Variants in SHROOM4 observed in about 807,000 individuals in gnomAD.
SHROOM4 encodes the protein shroom family member 4.
Under a neutral mutation model 80.3 loss-of-function variants are expected in SHROOM4, and 17 were observed. The ratio of observed to expected loss-of-function variants is 0.21; its 90% CI spans 0.14 to 0.32. SHROOM4 has a LOEUF of 0.32. Among genes scored for constraint, SHROOM4 ranks in the 10% least tolerant of loss-of-function variants. The pLI, the probability that SHROOM4 is intolerant of heterozygous loss-of-function variation, is 1.00. For missense variants in SHROOM4, 993 were observed against 1,140.3 expected, an observed-to-expected ratio of 0.87 and a Z score of 1.86; for synonymous variants, 400 against 437.5, an observed-to-expected ratio of 0.91 and a Z score of 1.07.
intron 1 of SHROOM4, among the ~76,000 whole-genome samples, chrX:50,739,109 G>T (rs1306427404): frequency 1.8e-5 from 2 of 111,449 alleles, no homozygotes; most frequent in African/African-American, 6.5e-5. Context: ...AAATGGTGCT[G>T]GGAAAACTGG....
chrX:50,767,999 C>T (rs1385120378), intron 1 of SHROOM4, among the ~76,000 whole-genome samples: 2 of 112,124 alleles, frequency 1.8e-5, no homozygotes, highest in African/African-American at 6.5e-5. Context: ...TGGTTCATTA[C>T]AGCTTATTAC....
chrX:50,759,856 T>C (rs1935113451), intron 1 of SHROOM4, among the ~76,000 whole-genome samples: 1 of 111,966 alleles, frequency 8.9e-6, no homozygotes, highest in Admixed American at 9.5e-5. Context: ...TCCCACATAT[T>C]TGTGAATTTC....
At chrX:50,802,558 T>C (rs891879740) in intron 1 of SHROOM4, among the ~76,000 whole-genome samples, 2 of 112,248 alleles carry the variant, frequency 1.8e-5, no homozygotes, top group Non-Finnish European at 3.8e-5. Flanking sequence ...CTCACTAATG[T>C]ATGACAAGTC....
chrX:50,703,039 C>T (rs947739523), intron 1 of SHROOM4, among the ~76,000 whole-genome samples: 31 of 111,941 alleles, frequency 2.8e-4, no homozygotes, highest in African/African-American at 7.8e-4. Context: ...TCTCTTAAAA[C>T]GTTAGCCTTC....
At chrX:50,655,646 A>G (rs1393211270) in intron 2 of SHROOM4, among the ~76,000 whole-genome samples, 1 of 105,949 alleles carries the variant, frequency 9.4e-6, no homozygotes, top group Non-Finnish European at 1.9e-5. Flanking sequence ...TCATTCATTT[A>G]TAACACATTC....
intron 5 of SHROOM4, among the ~76,000 whole-genome samples, chrX:50,611,336 G>A (rs1428990685): frequency 9.2e-6 from 1 of 108,439 alleles, no homozygotes; most frequent in Non-Finnish European, 1.9e-5. Flanking sequence ...ATTTTTAGTA[G>A]AGACGGGGTT....
intron 1 of SHROOM4, among the ~76,000 whole-genome samples, chrX:50,779,685 G>C (rs1485426011): frequency 9.0e-6 from 1 of 111,655 alleles, no homozygotes; most frequent in East Asian, 2.8e-4. Flanking sequence ...AAGAAGAAGA[G>C]AGTCTCGCAA....
intron 1 of SHROOM4, among the ~76,000 whole-genome samples, chrX:50,745,855 A>C (rs917739151): frequency 8.9e-6 from 1 of 111,897 alleles, no homozygotes; most frequent in Non-Finnish European, 1.9e-5. Flanking sequence ...GATTTTTCTT[A>C]AATAAGTGAT....
chrX:50,670,721 C>T (rs1244854952), intron 2 of SHROOM4, among the ~76,000 whole-genome samples: 5 of 111,896 alleles, frequency 4.5e-5, no homozygotes, highest in African/African-American at 1.6e-4. Flanking sequence ...TTTACACTCC[C>T]ACCAACAGTG....
chrX:50,767,051 C>T (rs1935290837), intron 1 of SHROOM4, among the ~76,000 whole-genome samples: 1 of 112,035 alleles, frequency 8.9e-6, no homozygotes, highest in Non-Finnish European at 1.9e-5. Context: ...CTGCAGGGAT[C>T]TGTGAAAACA....
At chrX:50,748,297 T>A (rs1475978193) in intron 1 of SHROOM4, among the ~76,000 whole-genome samples, 4 of 111,381 alleles carry the variant, frequency 3.6e-5, no homozygotes, top group African/African-American at 9.8e-5. Context: ...TAGACCAGGA[T>A]GCCTGGCACT....
chrX:50,598,325 G>A lies in SHROOM4; in HGVS notation c.4153C>T (p.Arg1385Ter), dbSNP rs1929219772. The A allele has an allele frequency of 2.5e-6, 3 of 1,211,130 alleles. No homozygotes were observed. Among genetic ancestry groups the A allele is most frequent in the Non-Finnish European group, 3.4e-6 (3 of 895,418 alleles). ...VVNLLLSLSG[R>*]LARVENALNS... Reference sequence around the variant, plus strand: ...AGAGCATTCTCCACCCGGGCCAGTCGTCCAGAGAGTGACAGCAACAGGTTG... The same window carrying A: ...AGAGCATTCTCCACCCGGGCCAGTCATCCAGAGAGTGACAGCAACAGGTTG... The change falls in exon 8 of 9, where the codon CGA becomes TGA. Residue 1385 changes from arginine to a stop codon, truncating the protein, a stop_gained. Coordinates refer to ENST00000376020, the MANE Select transcript of SHROOM4 (RefSeq NM_020717.5). LOFTEE classifies it high-confidence loss of function.
intron 1 of SHROOM4, among the ~76,000 whole-genome samples, chrX:50,734,736 G>A (rs936528521): frequency 2.7e-5 from 3 of 111,285 alleles, no homozygotes; most frequent in Non-Finnish European, 5.7e-5. Flanking sequence ...TTGAATTGTA[G>A]CTCCCATAAT....
chrX:50,652,284 G>A (rs1378790169), intron 2 of SHROOM4, among the ~76,000 whole-genome samples: 1 of 112,240 alleles, frequency 8.9e-6, no homozygotes, highest in Admixed American at 9.4e-5. Flanking sequence ...TCTAACTGGA[G>A]TGAGATGGTA....
At chrX:50,669,956 T>C (rs986176422) in intron 2 of SHROOM4, among the ~76,000 whole-genome samples, 54 of 111,728 alleles carry the variant, frequency 4.8e-4, no homozygotes, top group Non-Finnish European at 8.8e-4. Flanking sequence ...CCTGCTAATA[T>C]GGATATTTTG....
intron 2 of SHROOM4, among the ~76,000 whole-genome samples, chrX:50,681,353 T>C (rs1932938309): frequency 1.8e-5 from 2 of 111,798 alleles, no homozygotes; most frequent in African/African-American, 3.2e-5. Context: ...TGTGTGATTA[T>C]ATGCCTGGCT....
At chrX:50,774,783 G>C (rs1248409663) in intron 1 of SHROOM4, among the ~76,000 whole-genome samples, 1 of 110,775 alleles carries the variant, frequency 9.0e-6, no homozygotes, top group African/African-American at 3.3e-5. Flanking sequence ...CAGCAGCCAA[G>C]ACACAAAGGC....
In SHROOM4 at chrX:50,634,067, C is replaced by T; in HGVS notation, c.2006G>A (p.Ser669Asn). Reference sequence around the variant, plus strand: ...AGATTCATGGCTCTCAGGGGCTTGGCTGAGGCACTCGGAAGACCTAGCTCT... The same window carrying T: ...AGATTCATGGCTCTCAGGGGCTTGGTTGAGGCACTCGGAAGACCTAGCTCT... ...MLRARSSECL[S>N]QAPESHESRT... The change falls in exon 4 of 9, where the codon AGC becomes AAC. Residue 669 changes from serine to asparagine, a missense_variant. Coordinates refer to ENST00000376020, the MANE Select transcript of SHROOM4 (RefSeq NM_020717.5). 1 of 1,211,885 alleles carries T rather than the reference C, an allele frequency of 8.3e-7. No individual in the cohort carries two copies. Among genetic ancestry groups the T allele is most frequent in the Non-Finnish European group, 1.1e-6 (1 of 895,562 alleles).
rs782633648 is a variant in SHROOM4 at position 50,633,447 on chromosome X, G to T, written c.2626C>A (p.His876Asn). The change falls in exon 4 of 9, where the codon CAC becomes AAC. Residue 876 changes from histidine (H) to asparagine (N), a missense_variant. By Grantham distance (68) the His-to-Asn change is moderately conservative. Coordinates refer to ENST00000376020, the MANE Select transcript of SHROOM4 (RefSeq NM_020717.5). ...LENSMCCKPL[H>N]CGDFDYHRTC... ...CTGTGGTAATCAAAATCACCACAGT[G>T]TAGTGGCTTACAACACATGGAATTT... The T allele has an allele frequency of 4.1e-6, 5 of 1,210,369 alleles. No homozygotes were observed. The highest frequency in any genetic ancestry group is 5.6e-6 in the Non-Finnish European group (5 of 895,301).
Sources: allele counts gnomAD v4.1 joint callset (sites outside exome capture counted in the v4.1 genomes callset), GRCh38; gene constraint gnomAD v4.1.1; transcripts MANE v1.5; gene names NCBI Gene and HGNC (gene_info 2026-07-23, HGNC 2026-07-21).